ARNT2: variants seen among roughly 807,000 people sequenced by gnomAD.
ARNT2 encodes the protein ARNT protein 2.
A neutral mutation model predicts 91.7 loss-of-function variants in ARNT2; 36 were observed. The observed-to-expected ratio is 0.39, with a 90% CI of 0.30 to 0.52. The LOEUF is 0.52. Ranked by LOEUF, ARNT2 falls within the 20% of genes least tolerant of loss-of-function variation. The pLI is 0.72. For missense variants in ARNT2, 775 were observed against 939.3 expected (o/e 0.83, Z 2.29); for synonymous variants, 365 against 347.1 (o/e 1.05, Z -0.57).
intron 1 of ARNT2, among the ~76,000 whole-genome samples, chr15:80,435,907 A>G (rs752815151): frequency 6.6e-6 from 1 of 152,140 alleles, no homozygotes; most frequent in African/African-American, 2.4e-5. Context: ...AATGTGTTGA[A>G]TGGCTAGTGC....
chr15:80,483,045 A>C (rs1219432864), intron 5 of ARNT2, among the ~76,000 whole-genome samples: 1 of 152,198 alleles, frequency 6.6e-6, no homozygotes, highest in African/African-American at 2.4e-5. Flanking sequence ...GAAATGTCTT[A>C]TTATAGAACT....
chr15:80,551,314 G>A, intron 9 of ARNT2, 39 bp downstream of exon 9: 3 of 1,566,108 alleles, frequency 1.9e-6, no homozygotes, highest in Non-Finnish European at 2.6e-6. Flanking sequence ...CTTAAATGAA[G>A]GCTTATTGCC....
intron 5 of ARNT2, among the ~76,000 whole-genome samples, chr15:80,490,682 T>A (rs1434755808): frequency 6.6e-6 from 1 of 152,244 alleles, no homozygotes; most frequent in East Asian, 1.9e-4. Flanking sequence ...CAACTAGGGC[T>A]TGGCCACCAG....
chr15:80,574,062 C>A (rs1341454031), intron 12 of ARNT2, 86 bp from the exon 13 acceptor site: 1 of 1,099,416 alleles, frequency 9.1e-7, no homozygotes, highest in Non-Finnish European at 1.4e-6. Context: ...CCCACTCTGC[C>A]TCTGAGGTAT....
chr15:80,589,282 T>C (rs1436464297), intron 17 of ARNT2, among the ~76,000 whole-genome samples: 1 of 151,938 alleles, frequency 6.6e-6, no homozygotes, highest in Non-Finnish European at 1.5e-5. Flanking sequence ...CAAATGCCTA[T>C]TGGATGGGGC....
chr15:80,567,072 GA>G (rs1232500927), intron 12 of ARNT2, among the ~76,000 whole-genome samples: 1 of 152,148 alleles, frequency 6.6e-6, no homozygotes, highest in Non-Finnish European at 1.5e-5. Context: ...CGGCCTTGAA[GA>G]AAATAGGGAA....
intron 8 of ARNT2, among the ~76,000 whole-genome samples, chr15:80,523,257 A>G: frequency 6.6e-6 from 1 of 152,232 alleles, no homozygotes. Flanking sequence ...GGCCCAGTTC[A>G]CCGAGCATGT....
rs1486880107 is a variant in ARNT2, at chr15:80,505,924, G to GTTTTTTTTTTTTTTTTTTTTT, written c.623-2230_623-2229insTTTTTTTTTTTTTTTTTTTTT. The stretch of plus-strand genomic sequence containing the variant: ...AAAGAAAAAATGATTCCCAACATTT[G>GTTTTTTTTTTTTTTTTTTTTT]TTGTTTTTTTTTTTTTTTTTTTTGA... On this transcript the variant is annotated intron_variant, in intron 5 of 18. Coordinates refer to ENST00000303329, the MANE Select transcript of ARNT2 (RefSeq NM_014862.4). 3.7e-4 allele frequency among the ~76,000 whole-genome samples: 26 copies of GTTTTTTTTTTTTTTTTTTTTT among 71,144 alleles called. 1 individual carries two copies. Among genetic ancestry groups the GTTTTTTTTTTTTTTTTTTTTT allele is most frequent in the African/African-American group, 1.6e-3 (25 of 15,192 alleles). The allele number at this position is 71,144 out of a possible 152,430, so 46.7% of individuals were successfully genotyped here.
chr15:80,508,062 G>T, intron 5 of ARNT2, 94 bp from the exon 6 acceptor site: 1 of 1,182,706 alleles, frequency 8.5e-7, no homozygotes, highest in Non-Finnish European at 1.2e-6. Flanking sequence ...GTCCTCATTT[G>T]GCAGAGCATT....
chr15:80,547,018 A>G (rs939832382), intron 8 of ARNT2, among the ~76,000 whole-genome samples: 1 of 152,024 alleles, frequency 6.6e-6, no homozygotes, highest in Non-Finnish European at 1.5e-5. Flanking sequence ...AATAGAGGCA[A>G]TGGAAAAATG....
At chr15:80,563,063 C>T (rs1898398574) in intron 11 of ARNT2, 25 bp from the exon 12 acceptor site, 3 of 1,613,892 alleles carry the variant, frequency 1.9e-6, no homozygotes, top group East Asian at 4.5e-5. Context: ...CTCCTGCTGA[C>T]TTCCTTCTCC....
Position 80,597,204 on chromosome 15 carries a change from G to T in ARNT2, c.*3506G>T. On this transcript the variant is annotated 3_prime_UTR_variant, in exon 19 of 19. Coordinates refer to ENST00000303329, the MANE Select transcript of ARNT2 (RefSeq NM_014862.4). The stretch of plus-strand genomic sequence containing the variant: ...AAGAAACCAGTCCCAGGGAATGAAT[G>T]GTGGTCTCCCCACTCCCGGCAGCAC... The T allele has an allele frequency of 1.9e-6, 1 of 518,556 alleles. No homozygotes were observed. Among genetic ancestry groups the T allele is most frequent in the Non-Finnish European group, 3.8e-6 (1 of 259,816 alleles). 32.1% of individuals were successfully genotyped at this position (518,556 alleles called of 1,614,324 possible). A position where few individuals can be genotyped will look rare whatever the true frequency, so the allele number is the denominator to read the frequency against.
At chr15:80,546,543 C>T (rs142626549) in intron 8 of ARNT2, among the ~76,000 whole-genome samples, 112 of 152,282 alleles carry the variant, frequency 7.4e-4, no homozygotes, top group African/African-American at 2.6e-3. Flanking sequence ...GAGATTTGGG[C>T]ACGATTTTGA....
intron 12 of ARNT2, among the ~76,000 whole-genome samples, chr15:80,568,567 C>A (rs543970538): frequency 6.6e-6 from 1 of 152,304 alleles, no homozygotes; most frequent in African/African-American, 2.4e-5. Flanking sequence ...TGGTCCTAGG[C>A]AGGCAGTGGA....
intron 4 of ARNT2, among the ~76,000 whole-genome samples, chr15:80,470,767 T>C (rs1280213611): frequency 6.6e-6 from 1 of 152,296 alleles, no homozygotes; most frequent in East Asian, 1.9e-4. Flanking sequence ...AAAGTGATGG[T>C]ATATGAAAAA....
At chr15:80,515,978 T>C (rs2141429873) in intron 8 of ARNT2, among the ~76,000 whole-genome samples, 1 of 151,464 alleles carries the variant, frequency 6.6e-6, no homozygotes, top group East Asian at 2.0e-4. Flanking sequence ...CAAGCGATTC[T>C]CCTGCCTCAG....
chr15:80,581,430 T>C, intron 17 of ARNT2, 26 bp downstream of exon 17: 2 of 1,613,392 alleles, frequency 1.2e-6, no homozygotes, highest in Non-Finnish European at 1.7e-6. Flanking sequence ...GGGAGTGAGA[T>C]TCTGGGAAAG....
At chr15:80,555,533 C>G (rs1398241196) in intron 11 of ARNT2, 1 of 173,110 alleles carries the variant, frequency 5.8e-6, no homozygotes, top group Non-Finnish European at 1.2e-5. Context: ...AAGGGAGAAT[C>G]CTAAGCAGTT....
At chr15:80,490,152 G>A (rs1897034823) in intron 5 of ARNT2, among the ~76,000 whole-genome samples, 1 of 152,208 alleles carries the variant, frequency 6.6e-6, no homozygotes, top group South Asian at 2.1e-4. Flanking sequence ...CAGGTCAGAA[G>A]AGAAGCCAGG....
Sources: allele counts gnomAD v4.1 joint callset (sites outside exome capture counted in the v4.1 genomes callset), GRCh38; gene constraint gnomAD v4.1.1; transcripts MANE v1.5; gene names NCBI Gene and HGNC (gene_info 2026-07-23, HGNC 2026-07-21).